The following LIPA variants were observed in gnomAD, a reference collection of about 807,000 sequenced individuals.
LIPA encodes the protein lysosomal acid lipase/cholesteryl ester hydrolase.
A neutral mutation model predicts 40.6 loss-of-function variants in LIPA; 26 were observed. That is an observed-to-expected ratio of 0.64 (90% CI 0.47 to 0.89). The LOEUF is 0.89. Ranked by LOEUF, LIPA falls within the 40% of genes least tolerant of loss-of-function variation. LIPA has a pLI of 0.00. For synonymous variants in LIPA, 188 were observed against 168.4 expected (o/e 1.12, Z -0.90); for missense variants, 455 against 479.6 (o/e 0.95, Z 0.48).
chr10:89,231,425 G>A (rs181940245), intron 3 of LIPA, among the ~76,000 whole-genome samples: 89 of 152,038 alleles, frequency 5.9e-4, no homozygotes, highest in Non-Finnish European at 1.0e-3. Context: ...CTATACCCTC[G>A]TGTTGTTAAA....
chr10:89,271,834 G>A (rs1051125947), intron 1 of LIPA, among the ~76,000 whole-genome samples: 10 of 152,090 alleles, frequency 6.6e-5, no homozygotes, highest in South Asian at 2.1e-4. Flanking sequence ...GGCCAAAGCC[G>A]GCAGATCATT....
At chr10:89,411,994 T>C (rs1009088984) in intron 2 of LIPA, among the ~76,000 whole-genome samples, 2 of 152,196 alleles carry the variant, frequency 1.3e-5, no homozygotes, top group Admixed American at 6.5e-5. Context: ...AAGCTACAGA[T>C]GGTCTTACAA....
chr10:89,233,555 C>T (rs1392368603), intron 3 of LIPA, among the ~76,000 whole-genome samples: 1 of 152,202 alleles, frequency 6.6e-6, no homozygotes, highest in Admixed American at 6.5e-5. Context: ...TACTGAGTAC[C>T]AGCCACTGCT....
At chr10:89,353,392 T>C (rs968223456) in intron 2 of LIPA, among the ~76,000 whole-genome samples, 4 of 152,146 alleles carry the variant, frequency 2.6e-5, no homozygotes, top group African/African-American at 9.7e-5. Context: ...ACACTGAGCA[T>C]GCAGCCCCAG....
At chr10:89,408,837 A>C (rs1300301341) in intron 2 of LIPA, among the ~76,000 whole-genome samples, 1 of 152,062 alleles carries the variant, frequency 6.6e-6, no homozygotes, top group Non-Finnish European at 1.5e-5. Context: ...CAGATAAATG[A>C]TAGAATGACA....
chr10:89,257,546 C>T (rs575358739), intron 1 of LIPA, among the ~76,000 whole-genome samples: 3 of 152,164 alleles, frequency 2.0e-5, no homozygotes, highest in South Asian at 4.2e-4. Context: ...AAGTATGAAA[C>T]GATAATTTCA....
chr10:89,414,663 G>C (rs1841510395), upstream of LIPA: 3 of 990,710 alleles, frequency 3.0e-6, no homozygotes, highest in Admixed American at 7.6e-5. Flanking sequence ...GCGCGGCCGA[G>C]TCCAGGGGCT....
chr10:89,328,672 T>C (rs1200730356), intron 1 of LIPA, among the ~76,000 whole-genome samples: 2 of 152,214 alleles, frequency 1.3e-5, no homozygotes, highest in African/African-American at 2.4e-5. Context: ...GGCATTTTTG[T>C]CATTTCTTAT....
intron 3 of LIPA, among the ~76,000 whole-genome samples, chr10:89,242,965 A>G (rs1186599887): frequency 6.6e-6 from 1 of 152,160 alleles, no homozygotes; most frequent in Non-Finnish European, 1.5e-5. Flanking sequence ...GATGAACTGA[A>G]GCAATTTAAC....
At chr10:89,323,294 G>A (rs1843581438) in intron 1 of LIPA, among the ~76,000 whole-genome samples, 2 of 152,038 alleles carry the variant, frequency 1.3e-5, no homozygotes, top group Non-Finnish European at 2.9e-5. Context: ...CATACCTCCA[G>A]ATAATAAGAG....
At chr10:89,276,213 T>G (rs182151594) in intron 1 of LIPA, among the ~76,000 whole-genome samples, 2 of 152,262 alleles carry the variant, frequency 1.3e-5, no homozygotes, top group Non-Finnish European at 1.5e-5. Flanking sequence ...CTCCTTAAAT[T>G]TTATGCCCTA....
intron 3 of LIPA, 147 bp downstream of exon 3, chr10:89,245,528 AT>A (rs933348141): frequency 3.0e-6 from 2 of 669,116 alleles, no homozygotes; most frequent in Non-Finnish European, 5.4e-6. Flanking sequence ...AAAGAAAATT[AT>A]TTTTCTTTGC....
intron 1 of LIPA, among the ~76,000 whole-genome samples, chr10:89,317,464 T>A (rs889627451): frequency 3.9e-5 from 6 of 152,170 alleles, no homozygotes; most frequent in Non-Finnish European, 8.8e-5. Flanking sequence ...AGAAAGGGTA[T>A]TAGTGATTGA....
intron 1 of LIPA, among the ~76,000 whole-genome samples, chr10:89,257,121 T>C (rs1196605349): frequency 6.6e-6 from 1 of 152,234 alleles, no homozygotes; most frequent in African/African-American, 2.4e-5. Flanking sequence ...AAGGGTGGCA[T>C]TGGTCCAAGG....
intron 1 of LIPA, chr10:89,292,019 G>A (rs937426446): frequency 6.6e-6 from 1 of 152,204 alleles, no homozygotes; most frequent in African/African-American, 2.4e-5. Context: ...CAGGATGGAA[G>A]AACTCTGTGT....
intron 2 of LIPA, among the ~76,000 whole-genome samples, chr10:89,247,249 G>A (rs1843036510): frequency 1.3e-5 from 2 of 151,838 alleles, no homozygotes; most frequent in Admixed American, 6.6e-5. Flanking sequence ...GTGCATGCCT[G>A]TAGTCCCAGC....
chr10:89,220,079 C>G (rs889966069), intron 8 of LIPA, among the ~76,000 whole-genome samples: 1 of 152,174 alleles, frequency 6.6e-6, no homozygotes, highest in Admixed American at 6.5e-5. Flanking sequence ...AACCCCATGC[C>G]CAGTGGAGGC....
chr10:89,408,999 C>A (rs1283327638), intron 2 of LIPA, among the ~76,000 whole-genome samples: 1 of 152,154 alleles, frequency 6.6e-6, no homozygotes, highest in Non-Finnish European at 1.5e-5. Context: ...AAAAAGCCCA[C>A]GAATTATTCA....
intron 1 of LIPA, among the ~76,000 whole-genome samples, chr10:89,316,065 C>G (rs533112280): frequency 6.6e-6 from 1 of 152,172 alleles, no homozygotes; most frequent in African/African-American, 2.4e-5. Flanking sequence ...ACATCAGAAT[C>G]TCCTAGAGAC....
Sources: gnomAD v4.1 joint callset for allele counts (sites outside exome capture counted in the v4.1 genomes callset) on GRCh38, gnomAD v4.1.1 for gene constraint, MANE v1.5 for transcripts, NCBI Gene and HGNC (gene_info 2026-07-23, HGNC 2026-07-21) for gene names.